Variants in CNTLN observed in about 807,000 individuals in gnomAD.
CNTLN encodes centlein.
In CNTLN, 212 loss-of-function variants were observed where a neutral mutation model predicts 180.0. That is an observed-to-expected ratio of 1.18 (90% CI 1.05 to 1.32). The LOEUF is 1.32. Among genes scored for constraint, CNTLN ranks in the 40% most tolerant of loss-of-function variants. CNTLN has a pLI of 0.00. For synonymous variants in CNTLN, 722 were observed against 563.1 expected (o/e 1.28, Z -3.99); for missense variants, 2,095 against 1,610.9 (o/e 1.30, Z -5.14).
chr9:17,252,752 C>T (rs1489198236), intron 5 of CNTLN, among the ~76,000 whole-genome samples: 2 of 151,546 alleles, frequency 1.3e-5, no homozygotes, highest in Admixed American at 6.6e-5. Context: ...TTTTGCTGTG[C>T]AGAAGGTTTT....
At chr9:17,478,667 C>A (rs953222113) in intron 23 of CNTLN, among the ~76,000 whole-genome samples, 1 of 151,894 alleles carries the variant, frequency 6.6e-6, no homozygotes, top group African/African-American at 2.4e-5. Context: ...TGATTTTTGT[C>A]TGTGGTGTAA....
At chr9:17,392,826 G>T (rs1396600942) in intron 14 of CNTLN, among the ~76,000 whole-genome samples, 1 of 151,448 alleles carries the variant, frequency 6.6e-6, no homozygotes, top group East Asian at 1.9e-4. Context: ...ATAGAAGGAT[G>T]TGTAAATCAG....
intron 2 of CNTLN, among the ~76,000 whole-genome samples, chr9:17,209,236 C>G (rs901340147): frequency 2.0e-5 from 3 of 152,134 alleles, no homozygotes; most frequent in African/African-American, 4.8e-5. Context: ...CAAAATTCCT[C>G]CTGTTACTGA....
chr9:17,502,565 A>G lies in CNTLN; in HGVS notation c.4134A>G (p.Ser1378=), dbSNP rs760823739. The change falls in exon 26 of 26, where the codon TCA becomes TCG. Residue 1378 remains serine, a synonymous_variant. Coordinates refer to ENST00000380647, the MANE Select transcript of CNTLN (RefSeq NM_017738.4). ...KLLEGQLPFA[S]YLLEAVLEKI... ...TTCTTTTACAGCTTCCTTTTGCCTC[A>G]TATTTACTAGAAGCAGTACTGGAAA... 3.6e-6 allele frequency: 5 copies of G among 1,396,520 alleles called. No homozygotes were observed. The highest frequency in any genetic ancestry group is 3.9e-6 in the Non-Finnish European group (4 of 1,021,740). The allele number at this position is 1,396,520 out of a possible 1,614,324, so 86.5% of individuals were successfully genotyped here. A position where few individuals can be genotyped will look rare whatever the true frequency, so the allele number is the denominator to read the frequency against.
At chr9:17,251,628 A>G (rs1826148720) in intron 5 of CNTLN, among the ~76,000 whole-genome samples, 1 of 151,702 alleles carries the variant, frequency 6.6e-6, no homozygotes, top group Non-Finnish European at 1.5e-5. Context: ...GTAATAATCT[A>G]CCTATTTATG....
At chr9:17,466,161 A>C (rs1350230467) in intron 22 of CNTLN, 43 bp downstream of exon 22, 1 of 1,531,072 alleles carries the variant, frequency 6.5e-7, no homozygotes, top group South Asian at 1.2e-5. Context: ...GATGGAATAT[A>C]ATCGTGTTTG....
chr9:17,258,403 AG>A (rs1413989691), intron 5 of CNTLN, among the ~76,000 whole-genome samples: 2 of 151,182 alleles, frequency 1.3e-5, no homozygotes, highest in Admixed American at 1.3e-4. Context: ...GTTTGAAGTC[AG>A]GTATCATGAT....
intron 2 of CNTLN, among the ~76,000 whole-genome samples, chr9:17,198,442 T>C (rs1411760057): frequency 2.0e-5 from 3 of 150,498 alleles, no homozygotes; most frequent in Admixed American, 6.6e-5. Context: ...GTTCTATAGT[T>C]TTCATTGTAG....
At chr9:17,337,898 C>CA (rs1488851714) in intron 10 of CNTLN, among the ~76,000 whole-genome samples, 1 of 151,990 alleles carries the variant, frequency 6.6e-6, no homozygotes, top group African/African-American at 2.4e-5. Flanking sequence ...ATGACTCTAA[C>CA]AAAAAACTTT....
chr9:17,295,230 G>A (rs994568996), intron 6 of CNTLN, among the ~76,000 whole-genome samples: 7 of 152,104 alleles, frequency 4.6e-5, no homozygotes, highest in Admixed American at 6.5e-5. Flanking sequence ...CTCCCTGCAA[G>A]CTGAGGGAGC....
At chr9:17,266,734 C>T (rs561968666) in intron 5 of CNTLN, among the ~76,000 whole-genome samples, 1 of 152,202 alleles carries the variant, frequency 6.6e-6, no homozygotes, top group Admixed American at 6.5e-5. Flanking sequence ...GTATTGGGTG[C>T]ATATATATTT....
intron 15 of CNTLN, among the ~76,000 whole-genome samples, chr9:17,405,147 T>G (rs958608100): frequency 6.6e-6 from 1 of 151,728 alleles, no homozygotes; most frequent in African/African-American, 2.4e-5. Context: ...GATTTCTACC[T>G]CTTGTTATTA....
chr9:17,304,925 T>C (rs1362834811), intron 7 of CNTLN, among the ~76,000 whole-genome samples: 1 of 152,100 alleles, frequency 6.6e-6, no homozygotes, highest in Non-Finnish European at 1.5e-5. Context: ...TTTATTCACT[T>C]GGGTCCTGGA....
rs4961536 is a variant in CNTLN at position 17,297,199 on chromosome 9, A to G, written c.984-991A>G. On this transcript the variant is annotated intron_variant, in intron 6 of 25. Transcript: ENST00000380647. ...AACAATACAGTATAACATTATTTGC[A>G]TAGCATGTACTTTGTATTAGGTATT... Among the ~76,000 whole-genome samples, 2,830 of 152,262 alleles carry G rather than the reference A, an allele frequency of 0.019. 175 individuals carry two copies. The East Asian group carries it at 0.25, about 13-fold the overall frequency.
chr9:17,388,094 C>T, intron 13 of CNTLN, 68 bp from the exon 14 acceptor site: 3 of 996,426 alleles, frequency 3.0e-6, no homozygotes, highest in Middle Eastern at 2.3e-4. Context: ...AACCCTTTTT[C>T]TTAAAATGAC....
At chr9:17,498,584 A>C (rs1833579773) in intron 25 of CNTLN, among the ~76,000 whole-genome samples, 2 of 152,156 alleles carry the variant, frequency 1.3e-5, no homozygotes, top group Admixed American at 1.3e-4. Context: ...ATCCCCGTTA[A>C]ATTTCTATGC....
chr9:17,193,920 C>G (rs1240809964), intron 2 of CNTLN, among the ~76,000 whole-genome samples: 1 of 152,228 alleles, frequency 6.6e-6, no homozygotes, highest in East Asian at 1.9e-4. Flanking sequence ...AACCCCAATT[C>G]TTGACTTCTG....
intron 3 of CNTLN, among the ~76,000 whole-genome samples, chr9:17,231,112 G>A (rs1186096612): frequency 2.0e-5 from 3 of 152,130 alleles, no homozygotes; most frequent in African/African-American, 7.2e-5. Flanking sequence ...TTTGTTCAGC[G>A]TTTTTTCTTA....
intron 23 of CNTLN, among the ~76,000 whole-genome samples, chr9:17,471,116 A>T (rs1832024136): frequency 6.6e-6 from 1 of 152,080 alleles, no homozygotes; most frequent in Non-Finnish European, 1.5e-5. Flanking sequence ...GGAAAACTTT[A>T]TGTAAATTAT....
Sources: gnomAD v4.1 joint callset for allele counts (sites outside exome capture counted in the v4.1 genomes callset) on GRCh38, gnomAD v4.1.1 for gene constraint, MANE v1.5 for transcripts, NCBI Gene and HGNC (gene_info 2026-07-23, HGNC 2026-07-21) for gene names.